EDAR: variants seen among roughly 807,000 people sequenced by gnomAD.
The protein encoded by EDAR is ectodysplasin A receptor, also known as tumor necrosis factor receptor superfamily member EDAR.
EDAR carries 38 observed loss-of-function variants against 51.3 expected under a neutral mutation model. The observed-to-expected ratio is 0.74, with a 90% CI of 0.57 to 0.97. The LOEUF (loss-of-function observed/expected upper bound fraction) is 0.97, where lower values mean the gene tolerates loss of function less well. EDAR is among the 50% of genes least tolerant of loss of function. The pLI is 0.00. For synonymous variants in EDAR, 227 were observed against 242.1 expected (o/e 0.94, Z 0.58); for missense variants, 528 against 595.0 (o/e 0.89, Z 1.17).
Position 108,896,844 on chromosome 2 carries a change from C to T in EDAR, c.*63G>A. 2.0e-6 allele frequency: 3 copies of T among 1,523,198 alleles called. No homozygotes were observed. The highest frequency in any genetic ancestry group is 2.7e-6 in the Non-Finnish European group (3 of 1,118,956). 94.4% of individuals were successfully genotyped at this position (1,523,198 alleles called of 1,614,324 possible). A position where few individuals can be genotyped will look rare whatever the true frequency, so the allele number is the denominator to read the frequency against. On this transcript the variant is annotated 3_prime_UTR_variant, in exon 12 of 12. Transcript: ENST00000258443. ...CTTGGCAGTCTTTTGGCACCACTCA[C>T]AGCTCCAGAGCCCTCGTTGGCTCCT...
chr2:108,916,514 C>T (rs575559905), intron 5 of EDAR, among the ~76,000 whole-genome samples: 18 of 152,290 alleles, frequency 1.2e-4, no homozygotes, highest in African/African-American at 3.9e-4. Context: ...CACCCACAGG[C>T]GCCCACCTGC....
chr2:108,929,355 CGTCTTTG>C lies in EDAR; in HGVS notation c.192_198del (p.Lys65ArgfsTer36). On this transcript the variant is annotated frameshift_variant, in exon 4 of 12. Coordinates refer to ENST00000258443, the MANE Select transcript of EDAR (RefSeq NM_022336.4). LOFTEE classifies it high-confidence loss of function. ...GGGCAGGGGACGCAGCCGTAGTCCTCGTCTTTGGTGCCGTAGCCACAGGACTGTCCAG... is the reference window on the plus strand; with the variant it reads ...GGGCAGGGGACGCAGCCGTAGTCCTCGTGCCGTAGCCACAGGACTGTCCAG... 2 of 1,614,130 alleles carry C rather than the reference CGTCTTTG, an allele frequency of 1.2e-6. No individual in the cohort carries two copies. The highest frequency in any genetic ancestry group is 8.5e-7 in the Non-Finnish European group (1 of 1,180,038).
chr2:108,921,827 C>G (rs1282718819), intron 5 of EDAR, among the ~76,000 whole-genome samples: 2 of 152,256 alleles, frequency 1.3e-5, no homozygotes, highest in East Asian at 1.9e-4. Flanking sequence ...AAGCCGAGGT[C>G]TGGGGCCTTG....
chr2:108,897,117 C>G lies in EDAR; in HGVS notation c.1137G>C (p.Glu379Asp), dbSNP rs1374687962. The change falls in exon 12 of 12, where the codon GAG becomes GAC. Residue 379 changes from glutamate (E) to aspartate (D), a missense_variant. By Grantham distance (45) the Glu-to-Asp change is conservative. Transcript: ENST00000258443. ...AVVKTWRHLA[E>D]SFGLKRDEIG... is the part of the protein sequence containing the mutation. ...TCTCATCCCTCTTCAGGCCGAAGCT[C>G]TCGGCGAGGTGGCGCCACGTTTTCA... is the stretch of plus-strand genomic sequence containing the variant. The G allele has an allele frequency of 6.2e-7, 1 of 1,614,076 alleles. No homozygotes were observed. Among genetic ancestry groups the G allele is most frequent in the Admixed American group, 1.7e-5 (1 of 60,020 alleles).
rs1243550122 is a variant in EDAR, at chr2:108,896,621, C to T, written c.*286G>A. The T allele has an allele frequency of 1.2e-5, 5 of 434,228 alleles. No individual in the cohort carries two copies. The highest frequency in any genetic ancestry group is 2.0e-5 in the African/African-American group (1 of 51,186). The allele number at this position is 434,228 out of a possible 1,614,324, so 26.9% of individuals were successfully genotyped here. On this transcript the variant is annotated 3_prime_UTR_variant, in exon 12 of 12. Transcript: ENST00000258443. The stretch of plus-strand genomic sequence containing the variant: ...GAGTCCTCAACATTGTCTCATTGTT[C>T]AGTGAGTTAATGGTGGGCTGGTGGG...
chr2:108,931,465 G>A (rs1697365070), intron 1 of EDAR, among the ~76,000 whole-genome samples: 1 of 152,214 alleles, frequency 6.6e-6, no homozygotes. Flanking sequence ...CCCTCTGGAT[G>A]CTCTCCCAGC....
At chr2:108,946,216 G>A (rs1028917979) in intron 1 of EDAR, among the ~76,000 whole-genome samples, 1 of 152,148 alleles carries the variant, frequency 6.6e-6, no homozygotes, top group Non-Finnish European at 1.5e-5. Context: ...GCATGACTGG[G>A]TATACTCAGC....
intron 5 of EDAR, among the ~76,000 whole-genome samples, chr2:108,914,755 C>T (rs1332743425): frequency 6.6e-6 from 1 of 152,252 alleles, no homozygotes; most frequent in Non-Finnish European, 1.5e-5. Flanking sequence ...TGCACTTGGT[C>T]TACAGAAAAG....
intron 9 of EDAR, 130 bp from the exon 10 acceptor site, chr2:108,908,149 T>G (rs956793058): frequency 7.7e-6 from 8 of 1,041,444 alleles, no homozygotes; most frequent in African/African-American, 4.8e-5. Flanking sequence ...TTTCAGGTGT[T>G]TACTGGGCAC....
intron 1 of EDAR, among the ~76,000 whole-genome samples, chr2:108,949,024 T>TCCA (rs1697771272): frequency 6.6e-6 from 1 of 152,214 alleles, no homozygotes; most frequent in African/African-American, 2.4e-5. Context: ...TCACCCAGGC[T>TCCA]GGAGTGCAGT....
At chr2:108,910,641 T>C in intron 8 of EDAR, 109 bp from the exon 9 acceptor site, 1 of 1,396,514 alleles carries the variant, frequency 7.2e-7, no homozygotes, top group Non-Finnish European at 1.0e-6. Flanking sequence ...GGTGTCTGTG[T>C]GGCACCACCC....
intron 5 of EDAR, among the ~76,000 whole-genome samples, chr2:108,918,557 TC>T (rs1338299464): frequency 6.6e-6 from 1 of 152,156 alleles, no homozygotes; most frequent in East Asian, 1.9e-4. Context: ...GGCAAAAATG[TC>T]CTCACAAGGC....
At chr2:108,961,907 C>T (rs1429631160) in intron 1 of EDAR, among the ~76,000 whole-genome samples, 1 of 152,204 alleles carries the variant, frequency 6.6e-6, no homozygotes, top group Non-Finnish European at 1.5e-5. Context: ...GGCCAACTCT[C>T]ATTTTTCCAA....
intron 1 of EDAR, among the ~76,000 whole-genome samples, chr2:108,974,965 C>T (rs928243510): frequency 4.6e-5 from 7 of 152,124 alleles, no homozygotes; most frequent in Non-Finnish European, 8.8e-5. Flanking sequence ...AGGAAGAGCC[C>T]ATCAACCCCT....
chr2:108,922,253 C>T (rs1012187057), intron 5 of EDAR, among the ~76,000 whole-genome samples: 2 of 152,240 alleles, frequency 1.3e-5, no homozygotes, highest in African/African-American at 4.8e-5. Context: ...GTTCTTCAAC[C>T]CAGAATGATC....
At chr2:108,973,298 T>C (rs1698267128) in intron 1 of EDAR, among the ~76,000 whole-genome samples, 1 of 152,074 alleles carries the variant, frequency 6.6e-6, no homozygotes, top group East Asian at 1.9e-4. Flanking sequence ...TCAGCATGTG[T>C]GTATAGTGCC....
At position 108,911,046 on chromosome 2, in the gene EDAR, T is replaced by C. The variant is rs1696921137; in HGVS notation, c.556A>G (p.Thr186Ala). The C allele has an allele frequency of 6.2e-6, 10 of 1,614,060 alleles. No individual in the cohort carries two copies. The highest frequency in any genetic ancestry group is 7.6e-6 in the Non-Finnish European group (9 of 1,180,034). Reference sequence around the variant, plus strand: ...GTGGACATTGCAATGATCAGGGCAGTGGCCAGGTGTCCTTGGCCTGAGAGT... The same window carrying C: ...GTGGACATTGCAATGATCAGGGCAGCGGCCAGGTGTCCTTGGCCTGAGAGT... ...KELSGQGHLATALIIAMSTIF... is the reference protein window; with the variant it reads ...KELSGQGHLAAALIIAMSTIF... The change falls in exon 7 of 12, where the codon ACT becomes GCT. Residue 186 changes from threonine to alanine, a missense_variant. Thr to Ala is a moderately conservative substitution (Grantham distance 58). Coordinates refer to ENST00000258443, the MANE Select transcript of EDAR (RefSeq NM_022336.4).
At position 108,894,507 on chromosome 2, in the gene EDAR, TAAG is replaced by T. The variant is rs544120059; in HGVS notation, c.*2397_*2399del. The T allele has an allele frequency of 6.2e-4, 94 of 152,566 alleles. No homozygotes were observed. Among genetic ancestry groups the T allele is most frequent in the African/African-American group, 2.2e-3 (92 of 41,500 alleles). 9.5% of individuals were successfully genotyped at this position (152,566 alleles called of 1,614,324 possible). A position where few individuals can be genotyped will look rare whatever the true frequency, so the allele number is the denominator to read the frequency against. ...TGTTTATTGAGATTATAAAATATAA[TAAG>T]TTATATATATACAGAATTAGACAAA... On this transcript the variant is annotated 3_prime_UTR_variant, in exon 12 of 12. Transcript: ENST00000258443.
chr2:108,933,922 G>C (rs1267967406), intron 1 of EDAR, among the ~76,000 whole-genome samples: 1 of 152,094 alleles, frequency 6.6e-6, no homozygotes, highest in Non-Finnish European at 1.5e-5. Context: ...GCAGAGATAG[G>C]TTTCCACTGA....
Sources: gnomAD v4.1 joint callset for allele counts (sites outside exome capture counted in the v4.1 genomes callset) on GRCh38, gnomAD v4.1.1 for gene constraint, MANE v1.5 for transcripts, NCBI Gene and HGNC (gene_info 2026-07-23, HGNC 2026-07-21) for gene names.